HAUS3: variants seen among roughly 807,000 people sequenced by gnomAD.
HAUS3 encodes HAUS augmin-like complex subunit 3.
In HAUS3, 36 loss-of-function variants were observed where a neutral mutation model predicts 55.2. That is an observed-to-expected ratio of 0.65 (90% CI 0.50 to 0.86). The LOEUF (loss-of-function observed/expected upper bound fraction) is 0.86, where lower values mean the gene tolerates loss of function less well. Ranked by LOEUF, HAUS3 falls within the 40% of genes least tolerant of loss-of-function variation. The pLI is 0.00. For synonymous variants in HAUS3, 234 were observed against 238.6 expected (o/e 0.98, Z 0.18); for missense variants, 752 against 671.5 (o/e 1.12, Z -1.33).
rs752526788 is a variant in HAUS3 at position 2,240,325 on chromosome 4, C to G, written c.622G>C (p.Glu208Gln). Residue 208 changes from glutamate to glutamine, a missense_variant, in exon 3 of 6, where the codon GAG becomes CAG. Coordinates refer to ENST00000443786, the MANE Select transcript of HAUS3 (RefSeq NM_001303143.2). Reference sequence around the variant, plus strand: ...AAAGTTAATGCTGCTGTGCTTTGCTCTTCCTGACTTAGGTATTTTTCCAAG... The same window carrying G: ...AAAGTTAATGCTGCTGTGCTTTGCTGTTCCTGACTTAGGTATTTTTCCAAG... ...FSLEKYLSQE[E>Q]QSTAALTLYT... 2 of 1,604,466 alleles carry G rather than the reference C, an allele frequency of 1.2e-6. No homozygotes were observed. Among genetic ancestry groups the G allele is most frequent in the East Asian group, 2.2e-5 (1 of 44,664 alleles).
intron 3 of HAUS3, among the ~76,000 whole-genome samples, chr4:2,239,270 C>T (rs200747148): frequency 7.9e-5 from 12 of 152,228 alleles, no homozygotes; most frequent in Middle Eastern, 3.4e-3. Flanking sequence ...TATATAGTAA[C>T]GGCTACCAAA....
Position 2,229,288 on chromosome 4 carries a change from A to G in HAUS3, c.*2639T>C. On this transcript the variant is annotated 3_prime_UTR_variant, in exon 6 of 6. Coordinates refer to ENST00000443786, the MANE Select transcript of HAUS3 (RefSeq NM_001303143.2). ...AAGATAAATCCCATATATTAATCCTAAGACTATAAAACAGGAAATACAATT... is the reference window on the plus strand; with the variant it reads ...AAGATAAATCCCATATATTAATCCTGAGACTATAAAACAGGAAATACAATT... The G allele has an allele frequency of 7.1e-7, 1 of 1,417,822 alleles. No individual in the cohort carries two copies. Among genetic ancestry groups the G allele is most frequent in the Non-Finnish European group, 9.5e-7 (1 of 1,048,298 alleles). 87.8% of individuals were successfully genotyped at this position (1,417,822 alleles called of 1,614,324 possible).
In HAUS3 at chr4:2,241,643, G is replaced by T. The variant is rs7671997; in HGVS notation, c.-271C>A. On this transcript the variant is annotated 5_prime_UTR_variant, in exon 2 of 6. Coordinates refer to ENST00000443786, the MANE Select transcript of HAUS3 (RefSeq NM_001303143.2). ...TGCTTCGGGCCGGCCTTCAGCCAGC[G>T]CTGAGGCAGCCCCGACGCCAGGGCC... 3 of 985,330 alleles carry T rather than the reference G, an allele frequency of 3.0e-6. No homozygotes were observed. Among genetic ancestry groups the T allele is most frequent in the Non-Finnish European group, 3.6e-6 (3 of 829,948 alleles). 61.0% of individuals were successfully genotyped at this position (985,330 alleles called of 1,614,324 possible).
chr4:2,241,692 A>G lies in HAUS3; in HGVS notation c.-320T>C. 1.0e-6 allele frequency: 1 copy of G among 985,534 alleles called. No individual in the cohort carries two copies. Among genetic ancestry groups the G allele is most frequent in the South Asian group, 4.7e-5 (1 of 21,294 alleles). The allele number at this position is 985,534 out of a possible 1,614,324, so 61.0% of individuals were successfully genotyped here. A position where few individuals can be genotyped will look rare whatever the true frequency, so the allele number is the denominator to read the frequency against. On this transcript the variant is annotated 5_prime_UTR_variant, in exon 2 of 6. Coordinates refer to ENST00000443786, the MANE Select transcript of HAUS3 (RefSeq NM_001303143.2). Reference sequence around the variant, plus strand: ...CCGCGCGAACCCCAGAGGCAGCGGCAAGCCCCAGGGATCCGCGGCCCCAAG... The same window carrying G: ...CCGCGCGAACCCCAGAGGCAGCGGCGAGCCCCAGGGATCCGCGGCCCCAAG...
chr4:2,235,240 G>A (rs1031227325), intron 5 of HAUS3, among the ~76,000 whole-genome samples: 5 of 152,182 alleles, frequency 3.3e-5, no homozygotes, highest in Admixed American at 6.5e-5. Context: ...ATCCACCATC[G>A]CAGTGGAAAT....
chr4:2,238,719 G>A lies in HAUS3; in HGVS notation c.1234C>T (p.Leu412Phe). The change falls in exon 4 of 6, where the codon CTT (leucine) becomes TTT (phenylalanine). Residue 412 changes from leucine (L) to phenylalanine (F), a missense_variant. Physicochemically the swap from Leu to Phe is conservative, Grantham distance 22. Transcript: ENST00000443786. ...TAGAGCATCATGTTACTTTGACTAA[G>A]TTCTTGAACCAAATTTTCAAGTTGA... ...YRQLENLVQE[L>F]SQSNMMLYKQ... The A allele has an allele frequency of 1.2e-6, 2 of 1,613,460 alleles. No homozygotes were observed. Among genetic ancestry groups the A allele is most frequent in the Non-Finnish European group, 1.7e-6 (2 of 1,179,562 alleles).
rs1734970432 is a variant in HAUS3 at position 2,241,090 on chromosome 4, C to T, written c.-144G>A. The T allele has an allele frequency of 1.6e-6, 1 of 634,108 alleles. No individual in the cohort carries two copies. The highest frequency in any genetic ancestry group is 2.6e-6 in the Non-Finnish European group (1 of 377,602). The allele number at this position is 634,108 out of a possible 1,614,324, so 39.3% of individuals were successfully genotyped here. On this transcript the variant is annotated 5_prime_UTR_variant, in exon 3 of 6. Coordinates refer to ENST00000443786, the MANE Select transcript of HAUS3 (RefSeq NM_001303143.2). ...TATATTTTTAGAATCTATAATGATT[C>T]CTCCTAGGGGGGAAGAAAACAAGTA...
At position 2,230,893 on chromosome 4, in the gene HAUS3, T is replaced by C. The variant is rs568109583; in HGVS notation, c.*1034A>G. 5.3e-5 allele frequency: 8 copies of C among 152,350 alleles called. No individual in the cohort carries two copies. The highest frequency in any genetic ancestry group is 1.0e-4 in the Non-Finnish European group (7 of 68,036). The allele number at this position is 152,350 out of a possible 1,614,324, so 9.4% of individuals were successfully genotyped here. ...TTAAAATATTTTCTGGCTGCCCAAA[T>C]ACCATTGTTAAATACAATTAGACAT... On this transcript the variant is annotated 3_prime_UTR_variant, in exon 6 of 6. Transcript: ENST00000443786.
At chr4:2,239,332 T>C (rs561483078) in intron 3 of HAUS3, among the ~76,000 whole-genome samples, 1 of 152,338 alleles carries the variant, frequency 6.6e-6, no homozygotes, top group Non-Finnish European at 1.5e-5. Flanking sequence ...AATAGGACAC[T>C]ATTCACTGAA....
rs1379661723 is a variant in HAUS3, at chr4:2,238,931, C to G, written c.1022G>C (p.Arg341Thr). The change falls in exon 4 of 6, where the codon AGA (arginine) becomes ACA (threonine). Residue 341 changes from arginine to threonine, a missense_variant. By Grantham distance (71) the Arg-to-Thr change is moderately conservative. Coordinates refer to ENST00000443786, the MANE Select transcript of HAUS3 (RefSeq NM_001303143.2). ...IKDRSLPAVV[R>T]ENAQLLNMPV... The stretch of plus-strand genomic sequence containing the variant: ...CATATTCAATAACTGGGCATTCTCT[C>G]TTACCACAGCAGGTAAACTTCTGTC... The G allele has an allele frequency of 1.2e-6, 2 of 1,609,992 alleles. No individual in the cohort carries two copies. Among genetic ancestry groups the G allele is most frequent in the African/African-American group, 2.7e-5 (2 of 74,666 alleles).
rs760476074 is a variant in HAUS3, at chr4:2,240,506, C to A, written c.441G>T (p.Lys147Asn). ...TTAGAATTCCTTGACTCTGCTTCAG[C>A]TTTTTAGTGGCTTCTTCTTCTTTAG... The part of the protein sequence containing the change: ...LNAKEEEATK[K>N]LKQSQGILNA... Residue 147 changes from lysine (K) to asparagine (N), a missense_variant, in exon 3 of 6, where the codon AAG (lysine) becomes AAT (asparagine). Coordinates refer to ENST00000443786, the MANE Select transcript of HAUS3 (RefSeq NM_001303143.2). 4.3e-6 allele frequency: 7 copies of A among 1,613,768 alleles called. No individual in the cohort carries two copies. The African/African-American group carries it at 6.7e-5, about 15-fold the overall frequency.
chr4:2,240,106 C>G lies in HAUS3; in HGVS notation c.841G>C (p.Ala281Pro), dbSNP rs1397494141. 1 of 1,613,956 alleles carries G rather than the reference C, an allele frequency of 6.2e-7. No homozygotes were observed. Among genetic ancestry groups the G allele is most frequent in the Non-Finnish European group, 8.5e-7 (1 of 1,179,952 alleles). Residue 281 changes from alanine (A) to proline (P), a missense_variant, in exon 3 of 6, where the codon GCA becomes CCA. Transcript: ENST00000443786. ...CTTGACTTCATGCTCGAATTACTTG[C>G]TTTTAAGTGAATTAACTGATGTTGA... Reference protein sequence around the residue: ...CAQHQLIHLKASNSSMKSSIK... With the variant: ...CAQHQLIHLKPSNSSMKSSIK...
chr4:2,241,883 C>A, intron 1 of HAUS3, 93 bp from the exon 2 acceptor site: 2 of 985,522 alleles, frequency 2.0e-6, no homozygotes, highest in Non-Finnish European at 2.4e-6. Flanking sequence ...CCCGCCCCAG[C>A]TCCTCGCCCA....
rs1220982413 is a variant in HAUS3 at position 2,240,258 on chromosome 4, A to T, written c.689T>A (p.Val230Asp). 6.2e-7 allele frequency: 1 copy of T among 1,613,840 alleles called. No individual in the cohort carries two copies. Among genetic ancestry groups the T allele is most frequent in the South Asian group, 1.1e-5 (1 of 91,036 alleles). Residue 230 changes from valine (V) to aspartate (D), a missense_variant, in exon 3 of 6, where the codon GTT (valine) becomes GAT (aspartate). Coordinates refer to ENST00000443786, the MANE Select transcript of HAUS3 (RefSeq NM_001303143.2). Reference protein sequence around the residue: ...KQFFQGIHEVVESSNEDNFQL... With the variant: ...KQFFQGIHEVDESSNEDNFQL... ...AAAATTGTCTTCATTTGAACTTTCA[A>T]CTACTTCATGTATACCCTGAAAGAA...
intron 4 of HAUS3, 23 bp downstream of exon 4, chr4:2,238,581 A>C (rs1423384896): frequency 7.0e-7 from 1 of 1,421,328 alleles, no homozygotes; most frequent in African/African-American, 1.4e-5. Context: ...ATATTTACTA[A>C]AGAAACAATG....
chr4:2,232,196 T>C (rs765529115), intron 5 of HAUS3, 36 bp from the exon 6 acceptor site: 1 of 952,736 alleles, frequency 1.0e-6, no homozygotes, highest in South Asian at 1.7e-5. Flanking sequence ...ATTAAAACAC[T>C]TTATTCCTAA....
chr4:2,238,959 T>G lies in HAUS3; in HGVS notation c.994A>C (p.Lys332Gln), dbSNP rs770767132. 3.1e-6 allele frequency: 5 copies of G among 1,594,222 alleles called. No individual in the cohort carries two copies. The highest frequency in any genetic ancestry group is 4.3e-6 in the Non-Finnish European group (5 of 1,173,556). Residue 332 changes from lysine to glutamine, a missense_variant, in exon 4 of 6, where the codon AAA (lysine) becomes CAA (glutamine). Lys to Gln is a moderately conservative substitution (Grantham distance 53). Transcript: ENST00000443786. ...MKLEKEVTQIKDRSLPAVVRE... is the reference protein window; with the variant it reads ...MKLEKEVTQIQDRSLPAVVRE... ...ACCACAGCAGGTAAACTTCTGTCTT[T>G]TATTTGAGTGACCTCTTTTTCAAGT...
At chr4:2,237,148 T>C (rs1468160082) in intron 4 of HAUS3, among the ~76,000 whole-genome samples, 2 of 152,054 alleles carry the variant, frequency 1.3e-5, no homozygotes, top group Admixed American at 1.3e-4. Context: ...AGAATATAAC[T>C]ATGATGTAGT....
At position 2,240,636 on chromosome 4, in the gene HAUS3, T is replaced by C. The variant is rs779017011; in HGVS notation, c.311A>G (p.Asp104Gly). 4 of 1,613,726 alleles carry C rather than the reference T, an allele frequency of 2.5e-6. No individual in the cohort carries two copies. In the South Asian group the frequency reaches 4.4e-5, roughly 18 times the overall value. The change falls in exon 3 of 6, where the codon GAT (aspartate) becomes GGT (glycine). Residue 104 changes from aspartate (D) to glycine (G), a missense_variant. Transcript: ENST00000443786. ...TAATTTCAGTAGAGTTTGAACCTCA[T>C]CCTCTAATTTCTCCAGCTCTTTATC... is the stretch of plus-strand genomic sequence containing the variant. ...LDDKELEKLE[D>G]EVQTLLKLKN...
Sources: allele counts gnomAD v4.1 joint callset (sites outside exome capture counted in the v4.1 genomes callset), GRCh38; gene constraint gnomAD v4.1.1; transcripts MANE v1.5; gene names NCBI Gene and HGNC (gene_info 2026-07-23, HGNC 2026-07-21).